The following ARB2A variants were observed in gnomAD, a reference collection of about 807,000 sequenced individuals.
The protein encoded by ARB2A is cotranscriptional regulator ARB2A.
chr5:93,708,535 C>T, the ARB2A span, among the ~76,000 whole-genome samples: 1 of 152,174 alleles, frequency 6.6e-6, no homozygotes, highest in South Asian at 2.1e-4. Context: ...AGAAGCTCAA[C>T]CTAGATCCTT....
the ARB2A span, among the ~76,000 whole-genome samples, chr5:93,851,848 T>A: frequency 1.3e-3 from 200 of 152,314 alleles, no homozygotes; most frequent in African/African-American, 4.7e-3. Context: ...TAATCCAGTC[T>A]ATCATTGTTG....
the ARB2A span, among the ~76,000 whole-genome samples, chr5:93,698,583 T>C: frequency 6.6e-6 from 1 of 151,930 alleles, no homozygotes; most frequent in Non-Finnish European, 1.5e-5. Flanking sequence ...CTAAGGGTAG[T>C]TCATTCTAGG....
At chr5:94,085,744 T>C in the ARB2A span, among the ~76,000 whole-genome samples, 1 of 152,126 alleles carries the variant, frequency 6.6e-6, no homozygotes, top group Non-Finnish European at 1.5e-5. Flanking sequence ...TCTCCAATTA[T>C]AGGAGAGCAA....
the ARB2A span, among the ~76,000 whole-genome samples, chr5:93,898,291 T>C: frequency 6.6e-6 from 1 of 152,094 alleles, no homozygotes; most frequent in Admixed American, 6.6e-5. Context: ...TGTTTTGTTT[T>C]GTTTTGTCTG....
chr5:93,814,848 C>T, the ARB2A span, among the ~76,000 whole-genome samples: 14 of 152,176 alleles, frequency 9.2e-5, no homozygotes, highest in African/African-American at 3.4e-4. Context: ...TTTTGGTTTG[C>T]TTGTTTTTGG....
the ARB2A span, chr5:93,910,947 T>A: frequency 6.6e-6 from 1 of 151,596 alleles, no homozygotes; most frequent in Non-Finnish European, 1.5e-5. Flanking sequence ...GTTCATTTCC[T>A]ACAAGAATTC....
the ARB2A span, among the ~76,000 whole-genome samples, chr5:93,727,490 G>C: frequency 1.3e-5 from 2 of 151,972 alleles, no homozygotes; most frequent in African/African-American, 4.8e-5. Flanking sequence ...AGTGTTCTCA[G>C]AATAATTACT....
the ARB2A span, among the ~76,000 whole-genome samples, chr5:93,802,997 T>C: frequency 6.6e-6 from 1 of 152,120 alleles, no homozygotes; most frequent in African/African-American, 2.4e-5. Flanking sequence ...ACATTCATGC[T>C]AATTGTATGG....
the ARB2A span, among the ~76,000 whole-genome samples, chr5:93,987,215 T>A: frequency 6.6e-6 from 1 of 151,846 alleles, no homozygotes; most frequent in African/African-American, 2.4e-5. Flanking sequence ...TCTACTTCCA[T>A]CCTAGCCGCC....
At chr5:93,932,693 G>A in the ARB2A span, among the ~76,000 whole-genome samples, 1 of 152,170 alleles carries the variant, frequency 6.6e-6, no homozygotes, top group Non-Finnish European at 1.5e-5. Context: ...TAATGAAGAT[G>A]AGAAGTAAAT....
the ARB2A span, among the ~76,000 whole-genome samples, chr5:93,828,920 G>A: frequency 2.6e-5 from 4 of 152,122 alleles, no homozygotes; most frequent in African/African-American, 9.7e-5. Context: ...GGGGTTACAG[G>A]TGCATGCCAC....
At chr5:93,779,710 T>C in the ARB2A span, among the ~76,000 whole-genome samples, 1 of 152,224 alleles carries the variant, frequency 6.6e-6, no homozygotes, top group Admixed American at 6.5e-5. Flanking sequence ...AATGTTTCTC[T>C]GGGTCTGAAG....
chr5:93,989,662 G>T, the ARB2A span, among the ~76,000 whole-genome samples: 2 of 152,154 alleles, frequency 1.3e-5, no homozygotes, highest in East Asian at 3.8e-4. Flanking sequence ...CACTGCTCTA[G>T]ATTCATTTCC....
At chr5:93,776,082 C>A in the ARB2A span, 1 of 1,180,266 alleles carries the variant, frequency 8.5e-7, no homozygotes, top group Non-Finnish European at 1.2e-6. Flanking sequence ...ATTCACAAAA[C>A]AGAATTCTAC....
chr5:94,104,343 T>TA, the ARB2A span, among the ~76,000 whole-genome samples: 450 of 134,550 alleles, frequency 3.3e-3, 2 homozygotes, highest in Middle Eastern at 7.5e-3. Context: ...CCCACAGAAA[T>TA]AAAAAAAAAA....
the ARB2A span, among the ~76,000 whole-genome samples, chr5:94,036,843 G>C: frequency 6.6e-6 from 1 of 152,138 alleles, no homozygotes; most frequent in Admixed American, 6.6e-5. Context: ...TTCTTTATTA[G>C]AATCCAGGTT....
chr5:93,969,222 C>T, the ARB2A span, among the ~76,000 whole-genome samples: 1 of 151,714 alleles, frequency 6.6e-6, no homozygotes, highest in Admixed American at 6.6e-5. Context: ...AAAATAACAG[C>T]AACAATGTAT....
At chr5:93,968,024 T>C in the ARB2A span, among the ~76,000 whole-genome samples, 2 of 152,068 alleles carry the variant, frequency 1.3e-5, no homozygotes, top group African/African-American at 4.8e-5. Flanking sequence ...TAGAGGAAAC[T>C]GTAGCCTCTG....
At chr5:94,084,025 C>A in the ARB2A span, among the ~76,000 whole-genome samples, 18 of 151,988 alleles carry the variant, frequency 1.2e-4, no homozygotes, top group Non-Finnish European at 2.1e-4. Context: ...GTAATCCCAG[C>A]ACTTTGGGAA....
Sources: gnomAD v4.1 joint callset for allele counts (sites outside exome capture counted in the v4.1 genomes callset) on GRCh38, gnomAD v4.1.1 for gene constraint, MANE v1.5 for transcripts, NCBI Gene and HGNC (gene_info 2026-07-23, HGNC 2026-07-21) for gene names.